FOXP2: variants seen among roughly 807,000 people sequenced by gnomAD.
The protein encoded by FOXP2 is forkhead box protein P2.
FOXP2 carries 12 observed loss-of-function variants against 115.8 expected under a neutral mutation model. The observed-to-expected ratio is 0.10, with a 90% confidence interval of 0.07 to 0.17. The LOEUF (loss-of-function observed/expected upper bound fraction) is 0.17, where lower values mean the gene tolerates loss of function less well. FOXP2 is among the 10% of genes least tolerant of loss of function. The pLI is 1.00. For synonymous variants in FOXP2, 328 were observed against 297.7 expected (o/e 1.10, Z -1.05); for missense variants, 629 against 843.5 (o/e 0.75, Z 3.15).
At chr7:114,497,661 A>G (rs1343404302) in intron 2 of FOXP2, among the ~76,000 whole-genome samples, 1 of 120,154 alleles carries the variant, frequency 8.3e-6, no homozygotes, top group Non-Finnish European at 1.7e-5. Context: ...TAAAAAATAA[A>G]TAAGTAAATA....
intron 1 of FOXP2, among the ~76,000 whole-genome samples, chr7:114,110,916 A>G (rs1430495942): frequency 6.6e-6 from 1 of 152,184 alleles, no homozygotes; most frequent in Admixed American, 6.5e-5. Flanking sequence ...TGAATCCTCC[A>G]TAAGCATTCA....
intron 2 of FOXP2, chr7:114,288,202 A>G: frequency 2.4e-6 from 1 of 416,124 alleles, no homozygotes; most frequent in Non-Finnish European, 4.8e-6. Context: ...TTTTGGTTAA[A>G]TATGTTTGCC....
chr7:114,565,175 C>CA (rs989770759), intron 3 of FOXP2, among the ~76,000 whole-genome samples: 397 of 142,348 alleles, frequency 2.8e-3, no homozygotes, highest in African/African-American at 8.1e-3. Context: ...AAAAGAAAAA[C>CA]AAAAAAAAAA....
Position 114,485,709 on chromosome 7 carries a change from G to T in FOXP2, c.169-48908G>T, listed in dbSNP as rs566529841. 3.7e-4 allele frequency among the ~76,000 whole-genome samples: 56 copies of T among 152,190 alleles called. 1 individual carries two copies. The highest frequency in any genetic ancestry group is 1.3e-3 in the African/African-American group (54 of 41,528). On this transcript the variant is annotated intron_variant, in intron 2 of 16. Coordinates refer to ENST00000350908, the MANE Select transcript of FOXP2 (RefSeq NM_014491.4). ...CACCCTACATTTTTGGGATTATTCT[G>T]AGTACTTTACATGTACTCACTTATT... is the stretch of plus-strand genomic sequence containing the variant.
At chr7:114,534,731 G>C in intron 3 of FOXP2, 25 bp downstream of exon 3, 1 of 1,577,372 alleles carries the variant, frequency 6.3e-7, no homozygotes, top group Non-Finnish European at 8.7e-7. Flanking sequence ...CCTGTCCTTG[G>C]GGTCTTATTT....
intron 2 of FOXP2, among the ~76,000 whole-genome samples, chr7:114,436,347 T>A (rs1794349224): frequency 1.3e-5 from 2 of 151,572 alleles, no homozygotes; most frequent in South Asian, 4.2e-4. Flanking sequence ...TTCATGTGTA[T>A]TCCCTGCTAG....
chr7:114,296,360 A>G (rs1372559345), intron 2 of FOXP2, among the ~76,000 whole-genome samples: 1 of 152,210 alleles, frequency 6.6e-6, no homozygotes, highest in Non-Finnish European at 1.5e-5. Context: ...AGTACACTTT[A>G]GAATCCTAAG....
At chr7:114,554,259 T>A (rs1388491389) in intron 3 of FOXP2, among the ~76,000 whole-genome samples, 2 of 152,144 alleles carry the variant, frequency 1.3e-5, no homozygotes, top group South Asian at 2.1e-4. Flanking sequence ...TAGTGTGATA[T>A]GATTTGTCTT....
chr7:114,446,586 C>G (rs1167271732), intron 2 of FOXP2, among the ~76,000 whole-genome samples: 2 of 151,682 alleles, frequency 1.3e-5, no homozygotes, highest in African/African-American at 4.8e-5. Flanking sequence ...TTTAAATATA[C>G]CAATATTATA....
chr7:114,414,193 C>CAAACCCTGCT, upstream of FOXP2: 1 of 152,140 alleles, frequency 6.6e-6, no homozygotes. Flanking sequence ...GGGGTCCACA[C>CAAACCCTGCT]AAACCCTGCT....
At chr7:114,388,726 C>G (rs894049100) in intron 2 of FOXP2, among the ~76,000 whole-genome samples, 1 of 152,098 alleles carries the variant, frequency 6.6e-6, no homozygotes, top group African/African-American at 2.4e-5. Flanking sequence ...TTATTTTTCA[C>G]CTTTCCAAGC....
chr7:114,664,502 T>C (rs1807058949), intron 16 of FOXP2, 66 bp downstream of exon 16: 1 of 1,586,266 alleles, frequency 6.3e-7, no homozygotes, highest in Non-Finnish European at 8.6e-7. Context: ...AAATTTAGAA[T>C]TTTTCCGAAG....
intron 2 of FOXP2, among the ~76,000 whole-genome samples, chr7:114,485,424 AT>A (rs942141369): frequency 3.8e-4 from 58 of 151,986 alleles, no homozygotes; most frequent in Middle Eastern, 3.8e-3. Flanking sequence ...GAGGTCTTAA[AT>A]TTTTTTTAAA....
chr7:114,466,958 T>C lies in FOXP2; in HGVS notation c.168+40279T>C, dbSNP rs182237985. Among the ~76,000 whole-genome samples, 206 of 152,282 alleles carry C rather than the reference T, an allele frequency of 1.4e-3. 2 individuals are homozygous for C. The Middle Eastern group carries it at 0.014, about 10-fold the overall frequency. On this transcript the variant is annotated intron_variant, in intron 2 of 16. Transcript: ENST00000350908. ...GCTCTGCAATGTGTGAAATTTGAGA[T>C]TGTTGTTGCTAATGTTCAAAGCATA...
At chr7:114,384,361 C>G (rs1792387327) in intron 2 of FOXP2, among the ~76,000 whole-genome samples, 1 of 152,152 alleles carries the variant, frequency 6.6e-6, no homozygotes, top group African/African-American at 2.4e-5. Flanking sequence ...GTATAGCTAA[C>G]CTTTTGAGTC....
chr7:114,194,938 A>G (rs1584537432), intron 1 of FOXP2, among the ~76,000 whole-genome samples: 1 of 152,272 alleles, frequency 6.6e-6, no homozygotes, highest in East Asian at 1.9e-4. Flanking sequence ...TTTATGTGTC[A>G]GAATAGTTCA....
intron 1 of FOXP2, among the ~76,000 whole-genome samples, chr7:114,213,662 G>A (rs1794413497): frequency 6.6e-6 from 1 of 152,082 alleles, no homozygotes. Flanking sequence ...TTTATCCTCA[G>A]TTGACTCTTC....
chr7:114,307,628 C>A (rs2129179457), intron 2 of FOXP2, among the ~76,000 whole-genome samples: 1 of 152,288 alleles, frequency 6.6e-6, no homozygotes, highest in African/African-American at 2.4e-5. Flanking sequence ...GGTTAAGTGA[C>A]AGGCAGATTC....
In FOXP2 at chr7:114,274,603, CTTTTTTTTTTT is replaced by C. The variant is rs71157577; in HGVS notation, c.-101-13397_-101-13387del. On this transcript the variant is annotated intron_variant, in intron 1 of 17. Coordinates refer to the FOXP2 transcript ENST00000634411. ...TGGATTGGTTTTTTCCCTCTCAAAG[CTTTTTTTTTTT>C]TTTTTTTTTTTTTTTTTTGAGGCAG... 2.6e-4 allele frequency among the ~76,000 whole-genome samples: 11 copies of C among 42,578 alleles called. No homozygotes were observed. The South Asian group carries it at 0.013, about 49-fold the overall frequency. The allele number at this position is 42,578 out of a possible 152,430, so 27.9% of individuals were successfully genotyped here. A position where few individuals can be genotyped will look rare whatever the true frequency, so the allele number is the denominator to read the frequency against.
Sources: gnomAD v4.1 joint callset for allele counts (sites outside exome capture counted in the v4.1 genomes callset) on GRCh38, gnomAD v4.1.1 for gene constraint, MANE v1.5 for transcripts, NCBI Gene and HGNC (gene_info 2026-07-23, HGNC 2026-07-21) for gene names.